The following DSG1 variants were observed in gnomAD, a reference collection of about 807,000 sequenced individuals.
DSG1 encodes desmoglein-1.
A neutral mutation model predicts 97.5 loss-of-function variants in DSG1; 39 were observed. That is an observed-to-expected ratio of 0.40 (90% CI 0.31 to 0.52). DSG1 has a LOEUF of 0.52. Among genes scored for constraint, DSG1 ranks in the 20% least tolerant of loss-of-function variants. The pLI is 0.53. For synonymous variants in DSG1, 475 were observed against 443.4 expected, an observed-to-expected ratio of 1.07 and a Z score of -0.90; for missense variants, 1,311 against 1,295.4, an observed-to-expected ratio of 1.01 and a Z score of -0.18.
intron 14 of DSG1, among the ~76,000 whole-genome samples, chr18:31,348,524 G>C (rs1367439984): frequency 6.6e-6 from 1 of 150,560 alleles, no homozygotes; most frequent in Non-Finnish European, 1.5e-5. Flanking sequence ...TCTAGTTCTA[G>C]ATCCCTGAGG....
Position 31,354,963 on chromosome 18 carries a change from A to G in DSG1, c.2767A>G (p.Thr923Ala). 4 of 1,614,204 alleles carry G rather than the reference A, an allele frequency of 2.5e-6. No homozygotes were observed. Among genetic ancestry groups the G allele is most frequent in the Non-Finnish European group, 3.4e-6 (4 of 1,180,034 alleles). ...HPRESSNVVV[T>A]ERVIQPTSGM... ...TAGAGAGTCTTCAAATGTGGTAGTG[A>G]CAGAAAGAGTAATCCAACCAACTTC... The change falls in exon 15 of 15, where the codon ACA (threonine) becomes GCA (alanine). Residue 923 changes from threonine (T) to alanine (A), a missense_variant. Physicochemically the swap from Thr to Ala is moderately conservative, Grantham distance 58 (BLOSUM62 0). Coordinates refer to ENST00000257192, the MANE Select transcript of DSG1 (RefSeq NM_001942.4).
intron 1 of DSG1, among the ~76,000 whole-genome samples, chr18:31,319,536 T>A (rs2071640838): frequency 1.3e-5 from 2 of 152,174 alleles, no homozygotes; most frequent in Non-Finnish European, 2.9e-5. Context: ...CAGTGGATAT[T>A]TAGGATCAGT....
At chr18:31,318,996 T>C (rs1435186121) in intron 1 of DSG1, among the ~76,000 whole-genome samples, 1 of 152,196 alleles carries the variant, frequency 6.6e-6, no homozygotes, top group African/African-American at 2.4e-5. Flanking sequence ...GTGGCTATAA[T>C]TAAAGAGTAA....
At chr18:31,340,691 A>T (rs2071783802) in intron 11 of DSG1, among the ~76,000 whole-genome samples, 2 of 152,188 alleles carry the variant, frequency 1.3e-5, no homozygotes, top group South Asian at 4.1e-4. Flanking sequence ...ATGTGCAAAA[A>T]CCTAAAAGAA....
intron 6 of DSG1, 140 bp downstream of exon 6, chr18:31,332,007 A>G: frequency 5.2e-6 from 4 of 775,348 alleles, no homozygotes; most frequent in East Asian, 5.5e-5. Context: ...TCTTTCATGT[A>G]AGAAATATTT....
chr18:31,324,463 C>T (rs1464915350), intron 1 of DSG1, among the ~76,000 whole-genome samples: 1 of 152,186 alleles, frequency 6.6e-6, no homozygotes, highest in Non-Finnish European at 1.5e-5. Flanking sequence ...CTCAAATCTA[C>T]ATATCCAGCT....
chr18:31,342,212 G>A (rs183589012), intron 11 of DSG1, among the ~76,000 whole-genome samples: 139 of 152,220 alleles, frequency 9.1e-4, no homozygotes, highest in African/African-American at 3.2e-3. Flanking sequence ...AATTACAGGC[G>A]TGAGCCACCG....
At chr18:31,322,171 A>C (rs2071657906) in intron 1 of DSG1, among the ~76,000 whole-genome samples, 1 of 152,188 alleles carries the variant, frequency 6.6e-6, no homozygotes, top group South Asian at 2.1e-4. Flanking sequence ...TGCTCTCAAA[A>C]CTGCAAGACT....
rs2071963996 is a variant in DSG1, at chr18:31,356,922, T to C, written c.*1576T>C. 6.6e-6 allele frequency: 1 copy of C among 152,180 alleles called. No homozygotes were observed. Among genetic ancestry groups the C allele is most frequent in the Non-Finnish European group, 1.5e-5 (1 of 67,994 alleles). The allele number at this position is 152,180 out of a possible 1,614,324, so 9.4% of individuals were successfully genotyped here. On this transcript the variant is annotated 3_prime_UTR_variant, in exon 15 of 15. Transcript: ENST00000257192. ...CATTCTAAGAAAAAGGTAAATTTAC[T>C]ATTGCATGGTACAGAAATTTTTTCT... is the stretch of plus-strand genomic sequence containing the variant.
chr18:31,330,139 A>G (rs1335088415), intron 5 of DSG1, 103 bp downstream of exon 5: 3 of 1,407,550 alleles, frequency 2.1e-6, no homozygotes, highest in Non-Finnish European at 3.0e-6. Context: ...GATAAACTAT[A>G]GAAAAGATGC....
chr18:31,322,950 C>T (rs898348919), intron 1 of DSG1, among the ~76,000 whole-genome samples: 11 of 152,266 alleles, frequency 7.2e-5, no homozygotes, highest in Middle Eastern at 3.4e-3. Flanking sequence ...GATTTTGTCT[C>T]CTGTAGCTTT....
At chr18:31,346,749 C>T (rs562352741) in intron 14 of DSG1, among the ~76,000 whole-genome samples, 2 of 152,336 alleles carry the variant, frequency 1.3e-5, no homozygotes, top group African/African-American at 4.8e-5. Context: ...TTTGTTTACA[C>T]ATTTATAGAA....
intron 14 of DSG1, chr18:31,353,829 TCGCG>T (rs1227216068): frequency 1.5e-5 from 3 of 193,918 alleles, no homozygotes; most frequent in Admixed American, 1.1e-4. Flanking sequence ...CTGCTTCGGC[TCGCG>T]CACAGTGGAC....
rs2071940047 is a variant in DSG1 at position 31,354,862 on chromosome 18, G to A, written c.2666G>A (p.Gly889Glu). ...GMLEMPDLRD[G>E]SNVIVTERVI... Reference sequence around the variant, plus strand: ...TTAGAGATGCCTGACTTGCGAGATGGGTCGAATGTTATAGTGACAGAAAGG... The same window carrying A: ...TTAGAGATGCCTGACTTGCGAGATGAGTCGAATGTTATAGTGACAGAAAGG... The change falls in exon 15 of 15, where the codon GGG (glycine) becomes GAG (glutamate). Residue 889 changes from glycine (G) to glutamate (E), a missense_variant. By Grantham distance (98) the Gly-to-Glu change is moderately conservative. Coordinates refer to ENST00000257192, the MANE Select transcript of DSG1 (RefSeq NM_001942.4). The A allele has an allele frequency of 6.2e-7, 1 of 1,614,116 alleles. No homozygotes were observed. Among genetic ancestry groups the A allele is most frequent in the Non-Finnish European group, 8.5e-7 (1 of 1,180,014 alleles).
At position 31,346,206 on chromosome 18, in the gene DSG1, C is replaced by T. The variant is rs963484659; in HGVS notation, c.2100+8C>T. Reference sequence around the variant, plus strand: ...GAAAGCTACTTCTGTCAGGTAAGGTCCCTAGCCACATGCCTTTCTCGCCAT... The same window carrying T: ...GAAAGCTACTTCTGTCAGGTAAGGTTCCTAGCCACATGCCTTTCTCGCCAT... On this transcript the variant is annotated splice_region_variant and intron_variant, in intron 14 of 14. Coordinates refer to ENST00000257192, the MANE Select transcript of DSG1 (RefSeq NM_001942.4). The T allele has an allele frequency of 6.2e-7, 1 of 1,609,806 alleles. No homozygotes were observed. Among genetic ancestry groups the T allele is most frequent in the Middle Eastern group, 1.7e-4 (1 of 6,054 alleles).
intron 14 of DSG1, among the ~76,000 whole-genome samples, chr18:31,346,710 A>G (rs991373037): frequency 6.6e-6 from 1 of 152,150 alleles, no homozygotes; most frequent in African/African-American, 2.4e-5. Context: ...AATAGGATTA[A>G]TGTTTTCTCA....
intron 10 of DSG1, 102 bp downstream of exon 10, chr18:31,338,556 C>A: frequency 7.7e-7 from 1 of 1,300,626 alleles, no homozygotes; most frequent in Non-Finnish European, 1.1e-6. Flanking sequence ...CCCTTTCCAA[C>A]AAAAGTTGTC....
intron 9 of DSG1, 146 bp downstream of exon 9, chr18:31,336,759 C>A: frequency 1.1e-6 from 1 of 880,348 alleles, no homozygotes; most frequent in East Asian, 2.7e-5. Flanking sequence ...ATAAACTGTG[C>A]ATTTAAAATG....
chr18:31,342,198 C>G (rs972992157), intron 11 of DSG1, among the ~76,000 whole-genome samples: 1 of 152,102 alleles, frequency 6.6e-6, no homozygotes, highest in Non-Finnish European at 1.5e-5. Flanking sequence ...TCTCAAAGTG[C>G]TGGAATTACA....
Sources: gnomAD v4.1 joint callset for allele counts (sites outside exome capture counted in the v4.1 genomes callset) on GRCh38, gnomAD v4.1.1 for gene constraint, MANE v1.5 for transcripts, NCBI Gene and HGNC (gene_info 2026-07-23, HGNC 2026-07-21) for gene names.